MLANA: variants seen among roughly 807,000 people sequenced by gnomAD.
The protein encoded by MLANA is melan-A, also known as melanoma antigen recognized by T-cells 1.
A neutral mutation model predicts 15.7 loss-of-function variants in MLANA; 21 were observed. The ratio of observed to expected loss-of-function variants is 1.33; its 90% CI spans 0.95 to 1.92. The LOEUF is 1.92. Ranked by LOEUF, MLANA falls within the 40% of genes most tolerant of loss-of-function variation. The pLI, the probability that MLANA is intolerant of heterozygous loss-of-function variation, is 0.00. For synonymous variants in MLANA, 56 were observed against 51.5 expected (o/e 1.09, Z -0.37); for missense variants, 164 against 143.8 (o/e 1.14, Z -0.72).
At chr9:5,898,309 G>A (rs1033517324) in intron 3 of MLANA, 1 of 152,528 alleles carries the variant, frequency 6.6e-6, no homozygotes, top group Non-Finnish European at 1.5e-5. Context: ...GCCTCCCAAA[G>A]TGTTGGGACT....
chr9:5,908,739 A>G lies in MLANA; in HGVS notation c.*31A>G, dbSNP rs1832978320. On this transcript the variant is annotated 3_prime_UTR_variant, in exon 5 of 5. Transcript: ENST00000381477. ...AGCGAGACACCTGAGACATGCTGAA[A>G]TTATTTCTCTCACACTTTTGCTTGA... 1 of 1,587,902 alleles carries G rather than the reference A, an allele frequency of 6.3e-7. No individual in the cohort carries two copies. The highest frequency in any genetic ancestry group is 1.1e-5 in the South Asian group (1 of 90,476).
At chr9:5,902,325 C>T (rs1375183048) in intron 3 of MLANA, among the ~76,000 whole-genome samples, 1 of 152,144 alleles carries the variant, frequency 6.6e-6, no homozygotes, top group African/African-American at 2.4e-5. Context: ...CTTTTCATGT[C>T]CATTATTATT....
At chr9:5,901,733 G>C (rs1026944916) in intron 3 of MLANA, among the ~76,000 whole-genome samples, 5 of 150,968 alleles carry the variant, frequency 3.3e-5, no homozygotes, top group African/African-American at 1.2e-4. Flanking sequence ...TGTTGCCCAG[G>C]CTGGTCTCAA....
At chr9:5,905,621 A>T (rs1350006383) in intron 3 of MLANA, among the ~76,000 whole-genome samples, 3 of 152,236 alleles carry the variant, frequency 2.0e-5, no homozygotes, top group Admixed American at 2.0e-4. Context: ...TACTGACTTC[A>T]AGTCTTAAGA....
In MLANA at chr9:5,905,712, T is replaced by C. The variant is rs142279465; in HGVS notation, c.175-1173T>C. On this transcript the variant is annotated intron_variant, in intron 3 of 4. Transcript: ENST00000381477. Reference sequence around the variant, plus strand: ...TGACTTGTAAGTCTCTGCTTTGCCATGTCCTGCCTTTTCAGGCTGACCCAA... The same window carrying C: ...TGACTTGTAAGTCTCTGCTTTGCCACGTCCTGCCTTTTCAGGCTGACCCAA... 2.5e-3 allele frequency among the ~76,000 whole-genome samples: 377 copies of C among 152,346 alleles called. 1 individual carries two copies. Among genetic ancestry groups the C allele is most frequent in the African/African-American group, 8.8e-3 (365 of 41,574 alleles).
At chr9:5,896,636 A>G (rs1832040372) in intron 2 of MLANA, among the ~76,000 whole-genome samples, 1 of 152,202 alleles carries the variant, frequency 6.6e-6, no homozygotes. Context: ...CAGATAACAG[A>G]GTCAGTTCTG....
At chr9:5,904,354 T>C (rs1461974625) in intron 3 of MLANA, among the ~76,000 whole-genome samples, 2 of 152,238 alleles carry the variant, frequency 1.3e-5, no homozygotes, top group African/African-American at 4.8e-5. Flanking sequence ...TACTGTTTTC[T>C]ACCTGTTGCC....
At chr9:5,893,852 G>A (rs1214106115) in intron 2 of MLANA, among the ~76,000 whole-genome samples, 2 of 152,088 alleles carry the variant, frequency 1.3e-5, no homozygotes, top group East Asian at 3.9e-4. Flanking sequence ...TGAAGGAGAG[G>A]CTAGGACCGT....
At chr9:5,908,274 G>A (rs1832943834) in intron 4 of MLANA, among the ~76,000 whole-genome samples, 1 of 152,146 alleles carries the variant, frequency 6.6e-6, no homozygotes. Flanking sequence ...GTATCAATGT[G>A]CCTTTAGACA....
intron 4 of MLANA, 103 bp downstream of exon 4, chr9:5,907,101 T>TTCA: frequency 2.8e-6 from 2 of 718,828 alleles, no homozygotes; most frequent in Non-Finnish European, 4.3e-6. Context: ...GTGAATGTAC[T>TTCA]CATTGCCACT....
In MLANA at chr9:5,908,889, G is replaced by C. The variant is rs942768504; in HGVS notation, c.*181G>C. The C allele has an allele frequency of 1.4e-5, 8 of 573,168 alleles. No individual in the cohort carries two copies. Among genetic ancestry groups the C allele is most frequent in the African/African-American group, 1.3e-4 (7 of 52,848 alleles). 35.5% of individuals were successfully genotyped at this position (573,168 alleles called of 1,614,324 possible). ...AGCAGTACTAATCATGTGAGGAAAT[G>C]ATGAGAAATATTAAATTGGGAAAAC... is the stretch of plus-strand genomic sequence containing the variant. On this transcript the variant is annotated 3_prime_UTR_variant, in exon 5 of 5. Coordinates refer to ENST00000381477, the MANE Select transcript of MLANA (RefSeq NM_005511.2).
At chr9:5,906,329 C>CAAAA (rs140690425) in intron 3 of MLANA, among the ~76,000 whole-genome samples, 4 of 132,576 alleles carry the variant, frequency 3.0e-5, no homozygotes, top group South Asian at 2.4e-4. Flanking sequence ...GACTCTGTCT[C>CAAAA]AAAAAAAAAA....
rs530416831 is a variant in MLANA, at chr9:5,894,425, C to A, written c.77+1874C>A. ...GTACCCACAGAATGCTGCTTCTACC[C>A]CCGTGTCTGGGGTAACAAACGGAAG... On this transcript the variant is annotated intron_variant, in intron 2 of 4. Coordinates refer to ENST00000381477, the MANE Select transcript of MLANA (RefSeq NM_005511.2). This position sits in a 1 kb window ranked among gnomAD's most constrained non-coding sequence, Gnocchi z 4.0. 6.6e-6 allele frequency among the ~76,000 whole-genome samples: 1 copy of A among 152,152 alleles called. No homozygotes were observed. Among genetic ancestry groups the A allele is most frequent in the African/African-American group, 2.4e-5 (1 of 41,428 alleles).
At chr9:5,896,716 C>G (rs992454556) in intron 2 of MLANA, among the ~76,000 whole-genome samples, 2 of 152,196 alleles carry the variant, frequency 1.3e-5, no homozygotes, top group African/African-American at 4.8e-5. Flanking sequence ...GTGAACAGCT[C>G]CAGGCCCTGT....
intron 2 of MLANA, among the ~76,000 whole-genome samples, 182 bp from the exon 3 acceptor site, chr9:5,897,375 T>C (rs1473086683): frequency 6.6e-6 from 1 of 152,186 alleles, no homozygotes; most frequent in East Asian, 1.9e-4. Context: ...AGACCTGGGT[T>C]AGATCCAGGT....
chr9:5,895,719 G>A (rs1831971670), intron 2 of MLANA, among the ~76,000 whole-genome samples: 1 of 152,194 alleles, frequency 6.6e-6, no homozygotes, highest in South Asian at 2.1e-4. Flanking sequence ...GGAGTCCTAT[G>A]ATCTGCACCT....
chr9:5,891,707 A>ATAGTT (rs1444977535), intron 1 of MLANA, among the ~76,000 whole-genome samples: 1 of 152,204 alleles, frequency 6.6e-6, no homozygotes, highest in African/African-American at 2.4e-5. Flanking sequence ...TGTATGTGTT[A>ATAGTT]TAGTTAGAAA....
chr9:5,908,553 A>T, intron 4 of MLANA, 87 bp from the exon 5 acceptor site: 1 of 1,160,364 alleles, frequency 8.6e-7, no homozygotes. Flanking sequence ...GGGAAAGTAT[A>T]AATATGTTAA....
intron 3 of MLANA, 35 bp from the exon 4 acceptor site, chr9:5,906,850 T>C: frequency 7.4e-7 from 1 of 1,357,686 alleles, no homozygotes; most frequent in South Asian, 1.4e-5. Flanking sequence ...AGTTACTTCT[T>C]CTCACCCACT....
Sources: gnomAD v4.1 joint callset for allele counts (sites outside exome capture counted in the v4.1 genomes callset) on GRCh38, gnomAD v4.1.1 for gene constraint, Gnocchi (gnomAD v3.1) non-coding constraint, MANE v1.5 for transcripts, NCBI Gene and HGNC (gene_info 2026-07-23, HGNC 2026-07-21) for gene names.